The following STON2 variants were observed in gnomAD, a reference collection of about 807,000 sequenced individuals.
STON2 encodes the protein stonin 2, also known as stonin-2.
In STON2, 29 loss-of-function variants were observed where a neutral mutation model predicts 65.7. The observed-to-expected ratio is 0.44, with a 90% CI of 0.33 to 0.60. STON2 has a LOEUF of 0.60. Among genes scored for constraint, STON2 ranks in the 20% least tolerant of loss-of-function variants. The pLI is 0.03. For synonymous variants in STON2, 404 were observed against 414.2 expected (o/e 0.98, Z 0.30); for missense variants, 1,054 against 1,118.1 (o/e 0.94, Z 0.82).
intron 4 of STON2, among the ~76,000 whole-genome samples, chr14:81,330,465 T>C (rs1343044712): frequency 6.6e-6 from 1 of 152,090 alleles, no homozygotes; most frequent in Non-Finnish European, 1.5e-5. Flanking sequence ...GTTATTTATG[T>C]TATAGTAGTG....
At chr14:81,374,761 A>AT (rs890421478) in intron 3 of STON2, among the ~76,000 whole-genome samples, 6 of 152,176 alleles carry the variant, frequency 3.9e-5, no homozygotes, top group Non-Finnish European at 7.4e-5. Flanking sequence ...AGTCTCATAG[A>AT]TATCTAATAT....
intron 4 of STON2, among the ~76,000 whole-genome samples, chr14:81,349,381 A>G (rs1897938500): frequency 6.6e-6 from 1 of 152,162 alleles, no homozygotes; most frequent in African/African-American, 2.4e-5. Flanking sequence ...GATATCAAAC[A>G]GCTTAAATGC....
At chr14:81,363,687 A>T (rs1412147682) in intron 4 of STON2, among the ~76,000 whole-genome samples, 1 of 152,202 alleles carries the variant, frequency 6.6e-6, no homozygotes, top group Non-Finnish European at 1.5e-5. Flanking sequence ...TTCAGGAAAA[A>T]GATGAGTATC....
chr14:81,329,784 TG>T (rs1197948160), intron 4 of STON2, among the ~76,000 whole-genome samples: 1 of 151,052 alleles, frequency 6.6e-6, no homozygotes, highest in Non-Finnish European at 1.5e-5. Context: ...GAGAAGGGGG[TG>T]GGGGAAATCC....
intron 4 of STON2, among the ~76,000 whole-genome samples, chr14:81,325,292 C>T (rs981133115): frequency 4.6e-5 from 7 of 152,116 alleles, no homozygotes; most frequent in African/African-American, 1.2e-4. Flanking sequence ...GTTTCTCTAC[C>T]GTAGCTTCTC....
At chr14:81,333,448 T>A in intron 4 of STON2, 1 of 304,284 alleles carries the variant, frequency 3.3e-6, no homozygotes, top group Non-Finnish European at 6.1e-6. Context: ...AACAACCCTA[T>A]GAAATCGTTA....
intron 3 of STON2, among the ~76,000 whole-genome samples, chr14:81,372,506 C>T (rs182098718): frequency 2.2e-4 from 33 of 149,890 alleles, no homozygotes; most frequent in Non-Finnish European, 3.5e-4. Context: ...AGTGAGATCG[C>T]GCCATTGCAC....
At chr14:81,276,133 CCCT>C (rs1363941548) in intron 6 of STON2, among the ~76,000 whole-genome samples, 1 of 152,176 alleles carries the variant, frequency 6.6e-6, no homozygotes, top group Non-Finnish European at 1.5e-5. Context: ...TTTGACTGCT[CCCT>C]CATTTTGTCA....
intron 5 of STON2, among the ~76,000 whole-genome samples, chr14:81,311,111 G>A (rs977168971): frequency 6.6e-6 from 1 of 152,144 alleles, no homozygotes; most frequent in Non-Finnish European, 1.5e-5. Flanking sequence ...CTGGGACTTA[G>A]ATGACCACTT....
intron 5 of STON2, among the ~76,000 whole-genome samples, chr14:81,308,822 A>ACATAAAAGGC (rs1896301509): frequency 1.2e-4 from 1 of 8,672 alleles, no homozygotes; most frequent in African/African-American, 5.1e-4. Flanking sequence ...ATATATATAT[A>ACATAAAAGGC]TATGTGTGTG....
At chr14:81,383,706 G>A (rs1899647990) in intron 3 of STON2, among the ~76,000 whole-genome samples, 1 of 152,002 alleles carries the variant, frequency 6.6e-6, no homozygotes, top group Non-Finnish European at 1.5e-5. Context: ...CTCCTACCTG[G>A]TCTCCTTGCC....
At position 81,371,438 on chromosome 14, in the gene STON2, G is replaced by A. The variant is rs1365983894; in HGVS notation, c.374-253C>T. Among the ~76,000 whole-genome samples, 3 of 152,092 alleles carry A rather than the reference G, an allele frequency of 2.0e-5. No homozygotes were observed. In the East Asian group the frequency reaches 5.8e-4, roughly 29 times the overall value. On this transcript the variant is annotated intron_variant, in intron 3 of 7. Coordinates refer to ENST00000614646, the MANE Select transcript of STON2 (RefSeq NM_001394390.1). Reference sequence around the variant, plus strand: ...TGGCTGGGTGCGGTGGCTCACGCCTGTAATCTCAGCACTTTGGGAGGCTGA... The same window carrying A: ...TGGCTGGGTGCGGTGGCTCACGCCTATAATCTCAGCACTTTGGGAGGCTGA...
At chr14:81,315,908 G>A (rs1219415581) in intron 5 of STON2, among the ~76,000 whole-genome samples, 3 of 152,090 alleles carry the variant, frequency 2.0e-5, no homozygotes, top group East Asian at 1.9e-4. Flanking sequence ...CAGCAAAAAC[G>A]TCACCAGAAA....
At chr14:81,378,749 A>G (rs998833964) in intron 3 of STON2, among the ~76,000 whole-genome samples, 2 of 152,376 alleles carry the variant, frequency 1.3e-5, no homozygotes, top group Middle Eastern at 3.4e-3. Context: ...CTTGGGGATA[A>G]TATCACCCTG....
At chr14:81,268,708 C>T (rs1035168733) in intron 7 of STON2, 1 of 892,236 alleles carries the variant, frequency 1.1e-6, no homozygotes, top group African/African-American at 1.8e-5. Context: ...CCCTTTCCCT[C>T]ATGGTCCACC....
rs1194617456 is a variant in STON2, at chr14:81,278,359, C to T, written c.1123G>A (p.Glu375Lys). 1.9e-6 allele frequency: 3 copies of T among 1,614,182 alleles called. No homozygotes were observed. The highest frequency in any genetic ancestry group is 1.7e-5 in the Admixed American group (1 of 60,022). Residue 375 changes from glutamate (E) to lysine (K), a missense_variant, in exon 6 of 8, where the codon GAG becomes AAG. Transcript: ENST00000614646. ...GAGGGCTGTACATCCTGCAGAGTCTCATTCAGGAAAGGGTTGGTTGCCCTC... is the reference window on the plus strand; with the variant it reads ...GAGGGCTGTACATCCTGCAGAGTCTTATTCAGGAAAGGGTTGGTTGCCCTC... The part of the protein sequence containing the change: ...PWRATNPFLN[E>K]TLQDVQPSPI...
chr14:81,395,976 C>G lies in STON2; in HGVS notation c.291G>C (p.Ser97=), dbSNP rs1359119409. 2.5e-6 allele frequency: 4 copies of G among 1,614,136 alleles called. 1 individual carries two copies. The Admixed American group carries it at 6.7e-5, about 27-fold the overall frequency. Residue 97 remains serine (S), a synonymous_variant, in exon 3 of 8, where the codon TCG becomes TCC. Coordinates refer to ENST00000614646, the MANE Select transcript of STON2 (RefSeq NM_001394390.1). ...SPEQPPPDLA[S]AISNWVQFED... is the part of the protein sequence containing the mutation. ...CAAACTGAACCCAGTTGCTGATGGC[C>G]GAGGCCAGGTCAGGTGGGGGCTGCT...
chr14:81,339,971 G>T (rs7147660), intron 4 of STON2, among the ~76,000 whole-genome samples: 1 of 151,800 alleles, frequency 6.6e-6, no homozygotes, highest in Admixed American at 6.6e-5. Flanking sequence ...TGGCTAACAC[G>T]ATGAAACCCC....
intron 4 of STON2, among the ~76,000 whole-genome samples, chr14:81,341,450 T>A (rs1487711032): frequency 8.1e-6 from 1 of 122,726 alleles, no homozygotes; most frequent in Non-Finnish European, 1.6e-5. Context: ...ATAAGTGTTT[T>A]TTTTTTGTTT....
Sources: gnomAD v4.1 joint callset for allele counts (sites outside exome capture counted in the v4.1 genomes callset) on GRCh38, gnomAD v4.1.1 for gene constraint, MANE v1.5 for transcripts, NCBI Gene and HGNC (gene_info 2026-07-23, HGNC 2026-07-21) for gene names.